Variants in CEP162 observed in about 807,000 individuals in gnomAD.
CEP162 encodes centrosomal protein of 162 kDa.
Under a neutral mutation model 169.2 loss-of-function variants are expected in CEP162, and 141 were observed. That is an observed-to-expected ratio of 0.83 (90% CI 0.73 to 0.96). The LOEUF (loss-of-function observed/expected upper bound fraction) is 0.96. CEP162 is among the 40% of genes least tolerant of loss of function. The pLI, the probability that CEP162 is intolerant of heterozygous loss-of-function variation, is 0.00. For missense variants in CEP162, 1,600 were observed against 1,587.2 expected (o/e 1.01, Z -0.14); for synonymous variants, 540 against 526.4 (o/e 1.03, Z -0.35).
chr6:84,144,779 T>G (rs2099518122), intron 25 of CEP162, among the ~76,000 whole-genome samples: 1 of 152,170 alleles, frequency 6.6e-6, no homozygotes, highest in Admixed American at 6.6e-5. Context: ...ACACTGCTGA[T>G]TCTTTAATAT....
At position 84,164,409 on chromosome 6, in the gene CEP162, T is replaced by C. The variant is rs183955291; in HGVS notation, c.2386-1139A>G. 1.1e-3 allele frequency among the ~76,000 whole-genome samples: 172 copies of C among 152,324 alleles called. 1 individual carries two copies. Among genetic ancestry groups the C allele is most frequent in the Non-Finnish European group, 1.2e-3 (81 of 68,028 alleles). On this transcript the variant is annotated intron_variant, in intron 18 of 26. Coordinates refer to ENST00000403245, the MANE Select transcript of CEP162 (RefSeq NM_014895.4). ...AAAGACACATGCACACATATGTTTA[T>C]TGCAGCACTATGTACAATAGCAAAG... is the stretch of plus-strand genomic sequence containing the variant.
chr6:84,210,596 A>G (rs2099549061), intron 6 of CEP162, among the ~76,000 whole-genome samples: 1 of 152,200 alleles, frequency 6.6e-6, no homozygotes, highest in South Asian at 2.1e-4. Flanking sequence ...GCAATTTATA[A>G]AATATAAGAC....
chr6:84,199,205 G>A (rs938724173), intron 9 of CEP162, among the ~76,000 whole-genome samples: 4 of 152,126 alleles, frequency 2.6e-5, no homozygotes, highest in African/African-American at 9.7e-5. Flanking sequence ...ATCAACAGCA[G>A]TAAAACTGAG....
chr6:84,148,398 G>A lies in CEP162; in HGVS notation c.3771+1164C>T, dbSNP rs559265965. 5.9e-5 allele frequency among the ~76,000 whole-genome samples: 9 copies of A among 152,016 alleles called. No homozygotes were observed. The South Asian group carries it at 1.0e-3, about 18-fold the overall frequency. Reference sequence around the variant, plus strand: ...ATAAAAATTAGTCAGGCATGGTGGCGTGCACCTGTAATCCCAGCTACTTGG... The same window carrying A: ...ATAAAAATTAGTCAGGCATGGTGGCATGCACCTGTAATCCCAGCTACTTGG... On this transcript the variant is annotated intron_variant, in intron 24 of 26. Transcript: ENST00000403245.
At chr6:84,149,334 G>A (rs1019508973) in intron 24 of CEP162, among the ~76,000 whole-genome samples, 5 of 151,810 alleles carry the variant, frequency 3.3e-5, no homozygotes, top group African/African-American at 4.8e-5. Flanking sequence ...TTTATATGGT[G>A]TAGTTTTAAA....
At chr6:84,186,708 C>G in intron 11 of CEP162, 85 bp from the exon 12 acceptor site, 1 of 1,042,618 alleles carries the variant, frequency 9.6e-7, no homozygotes, top group African/African-American at 1.6e-5. Context: ...TGTGTACACG[C>G]AGACACACTA....
Position 84,159,526 on chromosome 6 carries a change from T to TATAA in CEP162, c.2781+1285_2781+1286insTTAT, listed in dbSNP as rs1455937616. Among the ~76,000 whole-genome samples, 3 of 37,242 alleles carry TATAA rather than the reference T, an allele frequency of 8.1e-5. No homozygotes were observed. The East Asian group carries it at 2.1e-3, about 26-fold the overall frequency. The allele number at this position is 37,242 out of a possible 152,430, so 24.4% of individuals were successfully genotyped here. A position where few individuals can be genotyped will look rare whatever the true frequency, so the allele number is the denominator to read the frequency against. On this transcript the variant is annotated intron_variant, in intron 21 of 26. Transcript: ENST00000403245. ...GTTCTTTTTTAAAATTAATTATTTA[T>TATAA]ATATATATATATATATATATATTTT...
chr6:84,216,032 A>T, intron 3 of CEP162, 110 bp from the exon 4 acceptor site: 1 of 1,294,740 alleles, frequency 7.7e-7, no homozygotes. Context: ...TAGCTATAAA[A>T]TAAATCTGCT....
chr6:84,148,417 T>C (rs1402464041), intron 24 of CEP162, among the ~76,000 whole-genome samples: 1 of 152,030 alleles, frequency 6.6e-6, no homozygotes, highest in Non-Finnish European at 1.5e-5. Flanking sequence ...TAATCCCAGC[T>C]ACTTGGAAGG....
At chr6:84,175,041 A>G in intron 14 of CEP162, 87 bp from the exon 15 acceptor site, 1 of 992,504 alleles carries the variant, frequency 1.0e-6, no homozygotes, top group Admixed American at 2.9e-5. Context: ...AATAAAAAGG[A>G]CATGGTTAAT....
chr6:84,149,726 C>A (rs1252257348), intron 23 of CEP162, 23 bp from the exon 24 acceptor site: 1 of 1,456,318 alleles, frequency 6.9e-7, no homozygotes, highest in Non-Finnish European at 9.1e-7. Context: ...TGAAAGAAAA[C>A]CACACATAAA....
In CEP162 at chr6:84,152,995, T is replaced by C. The variant is rs779845494; in HGVS notation, c.3179A>G (p.Asp1060Gly). ...DVLKHQNAEL[D>G]VKKNDKDDED... ...ATCATCTTTATCATTTTTCTTGACG[T>C]CTAATTCAGCATTCTGATGTTTAAG... The change falls in exon 23 of 27, where the codon GAC (aspartate) becomes GGC (glycine). Residue 1060 changes from aspartate (D) to glycine (G), a missense_variant. By Grantham distance (94) the Asp-to-Gly change is moderately conservative (BLOSUM62 -1). Transcript: ENST00000403245. 5 of 1,613,628 alleles carry C rather than the reference T, an allele frequency of 3.1e-6. No homozygotes were observed. In the East Asian group the frequency reaches 1.1e-4, roughly 36 times the overall value.
intron 11 of CEP162, among the ~76,000 whole-genome samples, chr6:84,193,111 G>A (rs1269750994): frequency 6.6e-6 from 1 of 152,190 alleles, no homozygotes; most frequent in Non-Finnish European, 1.5e-5. Context: ...ACTGTGACAT[G>A]TTACTCCGTG....
intron 9 of CEP162, among the ~76,000 whole-genome samples, chr6:84,196,118 A>C (rs2099542021): frequency 6.6e-6 from 1 of 152,112 alleles, no homozygotes; most frequent in Admixed American, 6.6e-5. Flanking sequence ...CCCAAATCTC[A>C]TCTTAAATTG....
chr6:84,142,930 T>G (rs887339782), intron 25 of CEP162, among the ~76,000 whole-genome samples: 8 of 152,118 alleles, frequency 5.3e-5, no homozygotes, highest in African/African-American at 1.9e-4. Flanking sequence ...ACTAGATGTT[T>G]AATGGCTCAT....
chr6:84,163,131 C>T lies in CEP162; in HGVS notation c.2512+13G>A, dbSNP rs1266471375. The T allele has an allele frequency of 1.2e-6, 2 of 1,611,538 alleles. No homozygotes were observed. The highest frequency in any genetic ancestry group is 2.7e-5 in the African/African-American group (2 of 74,952). ...TGATTATAAAGGTACACTGTTTCAG[C>T]TCAGTGTTTTACCTGTGACATAAGC... On this transcript the variant is annotated intron_variant, in intron 19 of 26. Transcript: ENST00000403245.
chr6:84,177,725 C>CA (rs1335345332), intron 13 of CEP162, among the ~76,000 whole-genome samples: 1 of 152,100 alleles, frequency 6.6e-6, no homozygotes, highest in Non-Finnish European at 1.5e-5. Context: ...TTAGTAGAGA[C>CA]AGAGTTTTAC....
chr6:84,183,984 A>G (rs1489980336), intron 13 of CEP162, among the ~76,000 whole-genome samples: 5 of 152,138 alleles, frequency 3.3e-5, no homozygotes, highest in Admixed American at 1.3e-4. Flanking sequence ...TCTCAGAGAA[A>G]ACTGGAGCTA....
At chr6:84,145,478 G>C (rs960370376) in intron 25 of CEP162, among the ~76,000 whole-genome samples, 1 of 152,110 alleles carries the variant, frequency 6.6e-6, no homozygotes, top group Admixed American at 6.6e-5. Flanking sequence ...ATCTCTGATA[G>C]AAATGAGGGT....
Sources: allele counts gnomAD v4.1 joint callset (sites outside exome capture counted in the v4.1 genomes callset), GRCh38; gene constraint gnomAD v4.1.1; transcripts MANE v1.5; gene names NCBI Gene and HGNC (gene_info 2026-07-23, HGNC 2026-07-21).